The following WDR20 variants were observed in gnomAD, a reference collection of about 807,000 sequenced individuals.
The protein encoded by WDR20 is WD repeat-containing protein 20.
WDR20 carries 3 observed loss-of-function variants against 38.7 expected under a neutral mutation model. The observed-to-expected ratio is 0.08, with a 90% CI of 0.04 to 0.20. The LOEUF (loss-of-function observed/expected upper bound fraction) is 0.20. WDR20 is among the 10% of genes least tolerant of loss of function. WDR20 has a pLI of 1.00. For missense variants in WDR20, 559 were observed against 727.7 expected (o/e 0.77, Z 2.67); for synonymous variants, 298 against 285.6 (o/e 1.04, Z -0.44).
Position 102,208,503 on chromosome 14 carries a change from C to T in WDR20, c.433-100C>T. The T allele has an allele frequency of 2.1e-6, 3 of 1,455,530 alleles. No individual in the cohort carries two copies. Among genetic ancestry groups the T allele is most frequent in the Non-Finnish European group, 9.1e-7 (1 of 1,099,180 alleles). 90.2% of individuals were successfully genotyped at this position (1,455,530 alleles called of 1,614,324 possible). A position where few individuals can be genotyped will look rare whatever the true frequency, so the allele number is the denominator to read the frequency against. ...ATAAAATGTGGAGGGCCTGGATAGA[C>T]TTGCCCCTTCCCATCGAGAAGCACA... is the stretch of plus-strand genomic sequence containing the variant. On this transcript the variant is annotated intron_variant, in intron 2 of 2. Coordinates refer to ENST00000342702, the MANE Select transcript of WDR20 (RefSeq NM_144574.4). This position sits in a 1 kb window ranked among gnomAD's most constrained non-coding sequence, Gnocchi z 5.6.
chr14:102,213,233 AAGG>A (rs1823177771), downstream of WDR20: 1 of 985,350 alleles, frequency 1.0e-6, no homozygotes, highest in African/African-American at 1.7e-5. Flanking sequence ...TCTTATTCAG[AAGG>A]AGAATTAAAA....
At chr14:102,197,620 G>A in intron 2 of WDR20, 1 of 598,098 alleles carries the variant, frequency 1.7e-6, no homozygotes, top group South Asian at 2.0e-5. Context: ...AAGCTGGAAA[G>A]ATAAATTGGA....
downstream of WDR20, chr14:102,215,013 AATTTTCAGTAGTC>A (rs2153043548): frequency 2.0e-6 from 2 of 980,594 alleles, no homozygotes; most frequent in East Asian, 2.3e-4. Context: ...AAATGTAGAT[AATTTTCAGTAGTC>A]ATTTTCACAT....
At chr14:102,171,249 C>CTA (rs1566900953) in intron 1 of WDR20, 2 of 25,784 alleles carry the variant, frequency 7.8e-5, no homozygotes, top group Non-Finnish European at 3.7e-4. Context: ...TGCGCCTGGC[C>CTA]TCTCTCTTTT....
At chr14:102,140,277 TTA>T in intron 1 of WDR20, 105 bp downstream of exon 1, 3 of 1,519,782 alleles carry the variant, frequency 2.0e-6, no homozygotes, top group Middle Eastern at 2.1e-4. Context: ...GCCGTCGCTC[TTA>T]CTTTTGAGTG....
intron 2 of WDR20, among the ~76,000 whole-genome samples, chr14:102,196,911 C>T (rs28565231): frequency 0.35 from 53,180 of 152,156 alleles, 13,107 homozygotes; most frequent in African/African-American, 0.71. Flanking sequence ...AGGCTGAAAT[C>T]GATTGCCCTT....
exon 4 of WDR20, chr14:102,223,114 G>A: frequency 2.3e-6 from 1 of 429,850 alleles, no homozygotes; most frequent in Non-Finnish European, 4.1e-6. Flanking sequence ...TAAAAAATAA[G>A]AAATGGAGTT....
At chr14:102,214,173 G>A, downstream of WDR20, 7 of 985,622 alleles carry the variant, frequency 7.1e-6, no homozygotes, top group South Asian at 9.4e-5. Context: ...ACCTGGAGAC[G>A]CCTCCTCCGG....
At chr14:102,148,253 A>C (rs1249329826) in intron 1 of WDR20, among the ~76,000 whole-genome samples, 1 of 152,192 alleles carries the variant, frequency 6.6e-6, no homozygotes, top group African/African-American at 2.4e-5. Flanking sequence ...TGAAATTGAC[A>C]GCATCAGTGA....
Position 102,194,983 on chromosome 14 carries a change from A to G in WDR20, c.295A>G (p.Thr99Ala). ...AATAGATAAAAGGATATACAAAGGAACACAGCCTACTTGTCATGACTTCAA... is the reference window on the plus strand; with the variant it reads ...AATAGATAAAAGGATATACAAAGGAGCACAGCCTACTTGTCATGACTTCAA... ...KPIDKRIYKG[T>A]QPTCHDFNHL... Residue 99 changes from threonine (T) to alanine (A), a missense_variant, in exon 2 of 3, where the codon ACA becomes GCA. By Grantham distance (58) the Thr-to-Ala change is moderately conservative (BLOSUM62 0). Transcript: ENST00000342702. 6.2e-7 allele frequency: 1 copy of G among 1,614,220 alleles called. No homozygotes were observed. Among genetic ancestry groups the G allele is most frequent in the Non-Finnish European group, 8.5e-7 (1 of 1,180,028 alleles).
chr14:102,150,279 A>G (rs1184038497), intron 1 of WDR20, among the ~76,000 whole-genome samples: 1 of 152,050 alleles, frequency 6.6e-6, no homozygotes, highest in African/African-American at 2.4e-5. Context: ...AGTTGGAAAC[A>G]AGCCTGGACA....
chr14:102,154,341 C>G (rs1375113419), intron 1 of WDR20, among the ~76,000 whole-genome samples: 1 of 152,146 alleles, frequency 6.6e-6, no homozygotes, highest in African/African-American at 2.4e-5. Context: ...GGTGAGGGCT[C>G]TCTTTCTGGT....
upstream of WDR20, chr14:102,139,493 GCC>G: frequency 7.4e-7 from 1 of 1,355,590 alleles, no homozygotes; most frequent in Non-Finnish European, 9.8e-7. Context: ...GGGTCCCGGC[GCC>G]CCTCAGGGCA....
Position 102,207,779 on chromosome 14 carries a change from A to G in WDR20, c.433-824A>G, listed in dbSNP as rs1016257127. 3.3e-5 allele frequency among the ~76,000 whole-genome samples: 5 copies of G among 152,032 alleles called. No homozygotes were observed. The highest frequency in any genetic ancestry group is 9.7e-5 in the African/African-American group (4 of 41,394). On this transcript the variant is annotated intron_variant, in intron 2 of 2. Coordinates refer to ENST00000342702, the MANE Select transcript of WDR20 (RefSeq NM_144574.4). This position sits in a 1 kb window ranked among gnomAD's most constrained non-coding sequence, Gnocchi z 5.0. ...GACTTGTGCCTTTGGTGGGGCAGGT[A>G]TTTTTGCCCTTCGTTATTTGGGTTT...
intron 1 of WDR20, among the ~76,000 whole-genome samples, chr14:102,152,879 T>C (rs1271956139): frequency 6.6e-6 from 1 of 152,212 alleles, no homozygotes; most frequent in East Asian, 1.9e-4. Context: ...TGTTCAACCC[T>C]AGAACCAGAG....
chr14:102,214,704 C>CT (rs2062997905), downstream of WDR20: 1 of 982,286 alleles, frequency 1.0e-6, no homozygotes, highest in African/African-American at 1.7e-5. Context: ...CATGTATTTC[C>CT]TTTTTTATAT....
intron 1 of WDR20, among the ~76,000 whole-genome samples, chr14:102,186,952 G>GA (rs35046967): frequency 0.34 from 49,764 of 145,414 alleles, 11,575 homozygotes; most frequent in African/African-American, 0.68. Flanking sequence ...TCTGTCTCAG[G>GA]AAAAAAAAAA....
At chr14:102,214,292 G>C, downstream of WDR20, 1 of 985,480 alleles carries the variant, frequency 1.0e-6, no homozygotes, top group Non-Finnish European at 1.2e-6. Flanking sequence ...GATTGGGACT[G>C]TCGGGTGTTG....
At chr14:102,151,371 T>C (rs2055789873) in intron 1 of WDR20, among the ~76,000 whole-genome samples, 1 of 151,930 alleles carries the variant, frequency 6.6e-6, no homozygotes, top group Non-Finnish European at 1.5e-5. Flanking sequence ...TAAAAAGTAA[T>C]TAGGAGGTGT....
Sources: gnomAD v4.1 joint callset for allele counts (sites outside exome capture counted in the v4.1 genomes callset) on GRCh38, gnomAD v4.1.1 for gene constraint, Gnocchi (gnomAD v3.1) non-coding constraint, MANE v1.5 for transcripts, NCBI Gene and HGNC (gene_info 2026-07-23, HGNC 2026-07-21) for gene names.